Variants in MCTP1 observed in about 807,000 individuals in gnomAD.
The protein encoded by MCTP1 is multiple C2 and transmembrane domain containing 1.
Under a neutral mutation model 120.6 loss-of-function variants are expected in MCTP1, and 69 were observed. The observed-to-expected ratio is 0.57, with a 90% CI of 0.47 to 0.70. MCTP1 has a LOEUF of 0.70. Ranked by LOEUF, MCTP1 falls within the 30% of genes least tolerant of loss-of-function variation. MCTP1 has a pLI of 0.00. For synonymous variants in MCTP1, 529 were observed against 493.1 expected (o/e 1.07, Z -0.96); for missense variants, 1,203 against 1,248.8 (o/e 0.96, Z 0.55).
chr5:95,012,401 T>C (rs1201221237), intron 2 of MCTP1, among the ~76,000 whole-genome samples: 1 of 152,142 alleles, frequency 6.6e-6, no homozygotes, highest in Non-Finnish European at 1.5e-5. Context: ...TCTTTTTATC[T>C]GGAGTTTTAT....
chr5:94,828,863 T>C (rs1787846723), intron 17 of MCTP1, among the ~76,000 whole-genome samples: 1 of 152,194 alleles, frequency 6.6e-6, no homozygotes, highest in Non-Finnish European at 1.5e-5. Context: ...TTCAAGCCAG[T>C]GGATCTTAGC....
rs748398111 is a variant in MCTP1 at position 95,283,847 on chromosome 5, G to A, written c.720+9C>T. 1.5e-6 allele frequency: 2 copies of A among 1,341,564 alleles called. No individual in the cohort carries two copies. The highest frequency in any genetic ancestry group is 1.9e-6 in the Non-Finnish European group (2 of 1,053,892). 83.1% of individuals were successfully genotyped at this position (1,341,564 alleles called of 1,614,324 possible). ...GCACCTTGTCTCCGGCCGCGCCACC[G>A]GCACTCACCTGGCTGCTGCCGTGCT... On this transcript the variant is annotated intron_variant, in intron 1 of 22. Coordinates refer to ENST00000515393, the MANE Select transcript of MCTP1 (RefSeq NM_024717.7).
chr5:95,024,377 G>T (rs758384370), intron 1 of MCTP1, among the ~76,000 whole-genome samples: 1 of 151,982 alleles, frequency 6.6e-6, no homozygotes, highest in Non-Finnish European at 1.5e-5. Flanking sequence ...AATCTCAATG[G>T]ATATATGAAA....
intron 20 of MCTP1, among the ~76,000 whole-genome samples, chr5:94,712,423 T>G (rs933863109): frequency 6.6e-6 from 1 of 152,112 alleles, no homozygotes. Context: ...AGGTGAGTTT[T>G]TTTTTTTCAG....
chr5:95,072,306 T>G (rs985245919), intron 1 of MCTP1, among the ~76,000 whole-genome samples: 4 of 152,124 alleles, frequency 2.6e-5, no homozygotes, highest in African/African-American at 7.2e-5. Context: ...GGATAAACAC[T>G]AAACAAAACA....
chr5:94,870,569 A>G, intron 15 of MCTP1, 78 bp from the exon 16 acceptor site: 1 of 1,089,130 alleles, frequency 9.2e-7, no homozygotes, highest in Non-Finnish European at 1.4e-6. Flanking sequence ...TTCAATTTGC[A>G]ATAATTTCTA....
At position 95,017,447 on chromosome 5, in the gene MCTP1, A is replaced by T. The variant is rs1837333462; in HGVS notation, c.758T>A (p.Val253Asp). ...INTAGTSNAE[V>D]PLADPGMYQL... ...GTACATTCCGGGATCAGCCAAGGGGACTTCTGCATTACTGGTTCCAGCAGT... is the reference window on the plus strand; with the variant it reads ...GTACATTCCGGGATCAGCCAAGGGGTCTTCTGCATTACTGGTTCCAGCAGT... Residue 253 changes from valine to aspartate, a missense_variant, in exon 2 of 23, where the codon GTC (valine) becomes GAC (aspartate). By Grantham distance (152) the Val-to-Asp change is radical. This residue lies in a region of MCTP1 where 463 missense variants were observed against 377.8 expected (regional missense o/e 1.23). Transcript: ENST00000515393. 2 of 1,609,458 alleles carry T rather than the reference A, an allele frequency of 1.2e-6. No individual in the cohort carries two copies. Among genetic ancestry groups the T allele is most frequent in the Admixed American group, 3.3e-5 (2 of 59,758 alleles).
At chr5:95,060,022 G>C (rs991358504) in intron 1 of MCTP1, among the ~76,000 whole-genome samples, 3 of 152,202 alleles carry the variant, frequency 2.0e-5, no homozygotes, top group Non-Finnish European at 4.4e-5. Context: ...TGGTGGGACA[G>C]AAAAGAGACA....
chr5:95,125,442 C>T (rs1758550413), intron 1 of MCTP1, among the ~76,000 whole-genome samples: 1 of 152,176 alleles, frequency 6.6e-6, no homozygotes, highest in Non-Finnish European at 1.5e-5. Context: ...AAAGACTCTT[C>T]TTCCTGGAAT....
Position 94,753,734 on chromosome 5 carries a change from T to C in MCTP1, c.2610+25376A>G, listed in dbSNP as rs115036773. ...ACTACCCAGTATTGAAACTACCTTT[T>C]TAAAATGGGAGGACCAATGAACATG... On this transcript the variant is annotated intron_variant, in intron 19 of 22. Transcript: ENST00000515393. 9.9e-3 allele frequency among the ~76,000 whole-genome samples: 1,509 copies of C among 152,296 alleles called. 28 individuals carry two copies. Among genetic ancestry groups the C allele is most frequent in the African/African-American group, 0.034 (1,425 of 41,556 alleles).
chr5:95,261,191 T>C (rs1409106974), intron 1 of MCTP1, among the ~76,000 whole-genome samples: 1 of 152,220 alleles, frequency 6.6e-6, no homozygotes, highest in Admixed American at 6.5e-5. Flanking sequence ...ACAAATAAAC[T>C]GTTGGAAAGC....
intron 5 of MCTP1, among the ~76,000 whole-genome samples, chr5:94,934,573 G>A (rs32912): frequency 0.76 from 114,798 of 151,432 alleles, 43,656 homozygotes; most frequent in East Asian, 0.85. Flanking sequence ...TTTTTAAGGC[G>A]ATTATATAAC....
In MCTP1 at chr5:94,705,090, T is replaced by TAATA. The variant is rs1295292354; in HGVS notation, c.*2402_*2405dup. Reference sequence around the variant, plus strand: ...TATATTTAGTAGTTCACAATATCTATAATAGTTAGCAGTCCAAGTAGATGT... The same window carrying TAATA: ...TATATTTAGTAGTTCACAATATCTATAATAAATAGTTAGCAGTCCAAGTAGATGT... On this transcript the variant is annotated 3_prime_UTR_variant, in exon 23 of 23. Transcript: ENST00000515393. 1 of 151,512 alleles carries TAATA rather than the reference T, an allele frequency of 6.6e-6. No homozygotes were observed. The highest frequency in any genetic ancestry group is 1.5e-5 in the Non-Finnish European group (1 of 67,636). The allele number at this position is 151,512 out of a possible 1,614,324, so 9.4% of individuals were successfully genotyped here. A position where few individuals can be genotyped will look rare whatever the true frequency, so the allele number is the denominator to read the frequency against.
At chr5:95,081,507 T>C (rs753453872) in intron 1 of MCTP1, 1 of 1,603,464 alleles carries the variant, frequency 6.2e-7, no homozygotes, top group Admixed American at 1.7e-5. Context: ...GAACAAAACA[T>C]CTTTCACTCC....
At chr5:94,803,917 T>C (rs886258935) in intron 17 of MCTP1, among the ~76,000 whole-genome samples, 1 of 152,040 alleles carries the variant, frequency 6.6e-6, no homozygotes, top group African/African-American at 2.4e-5. Context: ...TGGTCAAGGA[T>C]AGAGTAGCAA....
chr5:94,743,086 A>G (rs1433068251), intron 19 of MCTP1, among the ~76,000 whole-genome samples: 1 of 151,866 alleles, frequency 6.6e-6, no homozygotes, highest in Non-Finnish European at 1.5e-5. Flanking sequence ...AAAACAGAGC[A>G]ATCAAGTACG....
intron 19 of MCTP1, among the ~76,000 whole-genome samples, chr5:94,775,783 G>A (rs530543596): frequency 2.2e-4 from 34 of 151,870 alleles, no homozygotes; most frequent in African/African-American, 8.0e-4. Flanking sequence ...CCATGGAATT[G>A]GATTAAAAGA....
chr5:94,761,044 A>G (rs1220212044), intron 19 of MCTP1, among the ~76,000 whole-genome samples: 3 of 152,232 alleles, frequency 2.0e-5, no homozygotes, highest in African/African-American at 7.2e-5. Context: ...ACGCCCTTGA[A>G]CAAATCAATA....
chr5:95,015,408 T>G (rs920844698), intron 2 of MCTP1, among the ~76,000 whole-genome samples: 1 of 152,138 alleles, frequency 6.6e-6, no homozygotes, highest in African/African-American at 2.4e-5. Flanking sequence ...TTAAAGACTT[T>G]AAATTAATTA....
Sources: allele counts gnomAD v4.1 joint callset (sites outside exome capture counted in the v4.1 genomes callset), GRCh38; gene constraint gnomAD v4.1.1; regional missense constraint gnomAD v4.1.1; transcripts MANE v1.5; gene names NCBI Gene and HGNC (gene_info 2026-07-23, HGNC 2026-07-21).